GAB1: variants seen among roughly 807,000 people sequenced by gnomAD.
GAB1 encodes the protein GRB2 associated binding protein 1.
GAB1 carries 19 observed loss-of-function variants against 66.5 expected under a neutral mutation model. The ratio of observed to expected loss-of-function variants is 0.29; its 90% CI spans 0.20 to 0.42. The LOEUF is 0.42. Among genes scored for constraint, GAB1 ranks in the 10% least tolerant of loss-of-function variants. GAB1 has a pLI of 1.00. For missense variants in GAB1, 732 were observed against 858.5 expected, an observed-to-expected ratio of 0.85 and a Z score of 1.84; for synonymous variants, 294 against 301.4, an observed-to-expected ratio of 0.98 and a Z score of 0.25.
chr4:143,459,343 G>A (rs982157480), intron 6 of GAB1, 42 bp from the exon 7 acceptor site: 5 of 1,169,958 alleles, frequency 4.3e-6, no homozygotes, highest in East Asian at 2.3e-5. Flanking sequence ...GTTTTCCAAA[G>A]TTCTGTATAC....
chr4:143,361,415 TG>T (rs1729657573), intron 1 of GAB1, among the ~76,000 whole-genome samples: 1 of 152,184 alleles, frequency 6.6e-6, no homozygotes, highest in African/African-American at 2.4e-5. Context: ...GATCTTATAG[TG>T]GCCTTTGACC....
At chr4:143,374,543 G>A (rs369881230) in intron 1 of GAB1, among the ~76,000 whole-genome samples, 1 of 152,140 alleles carries the variant, frequency 6.6e-6, no homozygotes, top group Non-Finnish European at 1.5e-5. Flanking sequence ...ATTTTATACT[G>A]AGTGTCAAAT....
chr4:143,444,751 AC>A (rs1734421777), intron 6 of GAB1, among the ~76,000 whole-genome samples: 2 of 151,962 alleles, frequency 1.3e-5, no homozygotes, highest in Non-Finnish European at 1.5e-5. Context: ...TAGTTTTTCA[AC>A]CCTTTCCACC....
Position 143,469,218 on chromosome 4 carries a change from A to G in GAB1, c.*29A>G. The G allele has an allele frequency of 6.2e-7, 1 of 1,609,754 alleles. No homozygotes were observed. The highest frequency in any genetic ancestry group is 8.5e-7 in the Non-Finnish European group (1 of 1,177,076). On this transcript the variant is annotated 3_prime_UTR_variant, in exon 10 of 10. Transcript: ENST00000262994. ...TATTGCCTTGCCATTTCTGAACAAA[A>G]GAAAACTGAATTGTAAAGATAAATC...
intron 6 of GAB1, among the ~76,000 whole-genome samples, chr4:143,454,687 T>G (rs1157568700): frequency 2.0e-5 from 3 of 152,198 alleles, no homozygotes. Context: ...CTTGGATCAG[T>G]TGCTCTGTGC....
chr4:143,361,121 T>A (rs1439845042), intron 1 of GAB1, among the ~76,000 whole-genome samples: 1 of 144,842 alleles, frequency 6.9e-6, no homozygotes, highest in Non-Finnish European at 1.5e-5. Context: ...TGGGAAGGAG[T>A]TTTTTTTTTT....
chr4:143,344,460 C>G (rs1354592633), intron 1 of GAB1, among the ~76,000 whole-genome samples: 3 of 152,164 alleles, frequency 2.0e-5, no homozygotes, highest in Admixed American at 2.0e-4. Flanking sequence ...CTCAGTCTGC[C>G]AACTAATACA....
intron 1 of GAB1, among the ~76,000 whole-genome samples, chr4:143,364,026 A>G (rs569123002): frequency 5.3e-5 from 8 of 152,192 alleles, no homozygotes; most frequent in Non-Finnish European, 7.4e-5. Context: ...CATCTCTACT[A>G]AAAATACAAA....
intron 1 of GAB1, among the ~76,000 whole-genome samples, chr4:143,377,129 G>A (rs1273700590): frequency 6.6e-6 from 1 of 151,100 alleles, no homozygotes; most frequent in Non-Finnish European, 1.5e-5. Flanking sequence ...GTTTGCTTTG[G>A]TTTAAGCTCA....
At chr4:143,425,928 TA>T in intron 2 of GAB1, 1 of 1,179,634 alleles carries the variant, frequency 8.5e-7, no homozygotes, top group Non-Finnish European at 1.2e-6. Context: ...TGGAAGGTCT[TA>T]AGCTGTTCTT....
intron 1 of GAB1, among the ~76,000 whole-genome samples, chr4:143,398,572 G>A (rs1023604615): frequency 2.0e-5 from 3 of 151,844 alleles, no homozygotes; most frequent in African/African-American, 4.8e-5. Flanking sequence ...TTTTGGGATG[G>A]TTTTCTGATG....
At chr4:143,397,840 G>A (rs1342610184) in intron 1 of GAB1, among the ~76,000 whole-genome samples, 1 of 152,160 alleles carries the variant, frequency 6.6e-6, no homozygotes, top group African/African-American at 2.4e-5. Context: ...CCTTTCTAAT[G>A]GAGATATGAG....
intron 1 of GAB1, among the ~76,000 whole-genome samples, chr4:143,393,230 TA>T (rs35271599): frequency 0.021 from 2,869 of 133,542 alleles, 37 homozygotes; most frequent in South Asian, 0.058. Context: ...TTTTTTTTTT[TA>T]AAAAAAAAAA....
intron 1 of GAB1, among the ~76,000 whole-genome samples, chr4:143,351,301 G>A (rs750552657): frequency 2.0e-5 from 3 of 152,128 alleles, no homozygotes; most frequent in Non-Finnish European, 4.4e-5. Flanking sequence ...AGCAGATGGG[G>A]GAGCCAGAAG....
intron 1 of GAB1, among the ~76,000 whole-genome samples, chr4:143,373,245 T>C (rs927767346): frequency 6.6e-6 from 1 of 152,246 alleles, no homozygotes; most frequent in Non-Finnish European, 1.5e-5. Flanking sequence ...TGGAATATTG[T>C]CTTTCATCTA....
chr4:143,437,252 G>C (rs560032294), intron 3 of GAB1, among the ~76,000 whole-genome samples: 5 of 152,202 alleles, frequency 3.3e-5, no homozygotes, highest in Non-Finnish European at 7.3e-5. Context: ...AAGGAAGTGA[G>C]AGTGTGCTTG....
chr4:143,388,976 C>T (rs1363787278), intron 1 of GAB1, among the ~76,000 whole-genome samples: 1 of 152,138 alleles, frequency 6.6e-6, no homozygotes, highest in Non-Finnish European at 1.5e-5. Context: ...AAGAGGTGGG[C>T]CACCTGCAGG....
chr4:143,349,716 C>T, intron 1 of GAB1: 1 of 1,578,062 alleles, frequency 6.3e-7, no homozygotes. Context: ...TGGCGGTGGC[C>T]ACCTCCTTGG....
intron 2 of GAB1, among the ~76,000 whole-genome samples, chr4:143,427,098 G>T (rs1443546783): frequency 3.3e-5 from 5 of 152,218 alleles, no homozygotes; most frequent in Non-Finnish European, 7.3e-5. Context: ...TCTCAGGAAA[G>T]TGAGAGGGGG....
Sources: gnomAD v4.1 joint callset for allele counts (sites outside exome capture counted in the v4.1 genomes callset) on GRCh38, gnomAD v4.1.1 for gene constraint, MANE v1.5 for transcripts, NCBI Gene and HGNC (gene_info 2026-07-23, HGNC 2026-07-21) for gene names.